Variants in UBE2R2 observed in about 807,000 individuals in gnomAD.
UBE2R2 encodes ubiquitin conjugating enzyme E2 R2.
In UBE2R2, 1 loss-of-function variant was observed where a neutral mutation model predicts 27.8. The observed-to-expected ratio is 0.04, with a 90% CI of 0.01 to 0.17. UBE2R2 has a LOEUF of 0.17. Ranked by LOEUF, UBE2R2 falls within the 10% of genes least tolerant of loss-of-function variation. The pLI is 1.00. For missense variants in UBE2R2, 100 were observed against 291.0 expected (o/e 0.34, Z 4.78); for synonymous variants, 106 against 113.3 (o/e 0.94, Z 0.41).
chr9:33,843,819 A>G (rs1242060850), intron 1 of UBE2R2, among the ~76,000 whole-genome samples: 1 of 152,172 alleles, frequency 6.6e-6, no homozygotes, highest in African/African-American at 2.4e-5. Flanking sequence ...GTTTATAGAG[A>G]TGTTTGACAT....
intron 1 of UBE2R2, among the ~76,000 whole-genome samples, chr9:33,824,551 A>G (rs1306140441): frequency 6.6e-6 from 1 of 151,880 alleles, no homozygotes; most frequent in Admixed American, 6.6e-5. Context: ...AGGCAGGAGA[A>G]TGGCGTGAAC....
intron 2 of UBE2R2, among the ~76,000 whole-genome samples, chr9:33,888,407 T>C (rs534196074): frequency 9.2e-4 from 140 of 152,358 alleles, no homozygotes; most frequent in African/African-American, 3.2e-3. Context: ...TGAAATTGCT[T>C]TAGAGTCTTG....
chr9:33,867,357 T>G (rs1233721057), intron 1 of UBE2R2, among the ~76,000 whole-genome samples: 2 of 152,178 alleles, frequency 1.3e-5, no homozygotes, highest in African/African-American at 2.4e-5. Flanking sequence ...GTCATTTGGG[T>G]AGTTTCAGAT....
At chr9:33,895,517 T>C (rs1385352315) in intron 2 of UBE2R2, among the ~76,000 whole-genome samples, 2 of 152,184 alleles carry the variant, frequency 1.3e-5, no homozygotes, top group Admixed American at 6.6e-5. Context: ...CCACATTGTT[T>C]TGGCTCTTTG....
intron 1 of UBE2R2, among the ~76,000 whole-genome samples, chr9:33,861,380 C>T (rs1023484109): frequency 7.2e-5 from 11 of 151,958 alleles, no homozygotes; most frequent in African/African-American, 2.7e-4. Flanking sequence ...CTAGCCTGGC[C>T]GACATCTCTA....
In UBE2R2 at chr9:33,839,299, A is replaced by G. The variant is rs533458200; in HGVS notation, c.177+21365A>G. On this transcript the variant is annotated intron_variant, in intron 1 of 4. Transcript: ENST00000263228. ...GTTGCCCAGACTGGACTGCAATGGC[A>G]GGGTCTCTGCTCACTGCACCCTCTG... 7.9e-5 allele frequency among the ~76,000 whole-genome samples: 12 copies of G among 152,192 alleles called. No individual in the cohort carries two copies. The South Asian group carries it at 2.5e-3, about 32-fold the overall frequency.
chr9:33,823,868 AC>A (rs756024967), intron 1 of UBE2R2, among the ~76,000 whole-genome samples: 1 of 152,214 alleles, frequency 6.6e-6, no homozygotes, highest in African/African-American at 2.4e-5. Flanking sequence ...ACAATTTTAA[AC>A]AGCTCCTTTA....
intron 1 of UBE2R2, among the ~76,000 whole-genome samples, chr9:33,833,575 A>G (rs187365699): frequency 5.3e-5 from 8 of 152,374 alleles, no homozygotes; most frequent in Non-Finnish European, 1.2e-4. Flanking sequence ...TATGAAAAGA[A>G]GGATTTAAAC....
At chr9:33,916,941 G>GATTATTTAAGGCCAATTATAA in intron 4 of UBE2R2, 77 bp from the exon 5 acceptor site, 2 of 1,548,010 alleles carry the variant, frequency 1.3e-6, no homozygotes, top group Admixed American at 3.8e-5. Context: ...AAGTAATATT[G>GATTATTTAAGGCCAATTATAA]ATTATTTAAG....
chr9:33,824,475 A>C (rs1408430395), intron 1 of UBE2R2, among the ~76,000 whole-genome samples: 1 of 152,030 alleles, frequency 6.6e-6, no homozygotes, highest in Non-Finnish European at 1.5e-5. Context: ...TCTCTACTAA[A>C]AAAATACAAA....
intron 1 of UBE2R2, among the ~76,000 whole-genome samples, chr9:33,824,183 TC>T (rs1315560227): frequency 6.6e-6 from 1 of 152,202 alleles, no homozygotes; most frequent in Non-Finnish European, 1.5e-5. Flanking sequence ...CCTTTTAACT[TC>T]TTTTTGATTA....
At chr9:33,907,413 C>T (rs988058899) in intron 3 of UBE2R2, among the ~76,000 whole-genome samples, 4 of 152,208 alleles carry the variant, frequency 2.6e-5, no homozygotes, top group Non-Finnish European at 5.9e-5. Context: ...CTGGGAGTAT[C>T]TCTAACTCCT....
In UBE2R2 at chr9:33,818,046, T is replaced by G. The variant is rs1033539543; in HGVS notation, c.177+112T>G. ...ATGAGCACGGGCGAGTGGAGGGGGC[T>G]TCTCACCCGTGCAGCCCCCTCCCCC... On this transcript the variant is annotated intron_variant, in intron 1 of 4. Coordinates refer to ENST00000263228, the MANE Select transcript of UBE2R2 (RefSeq NM_017811.4). 2.3e-6 allele frequency: 3 copies of G among 1,281,722 alleles called. No individual in the cohort carries two copies. In the African/African-American group the frequency reaches 4.7e-5, roughly 20 times the overall value. The allele number at this position is 1,281,722 out of a possible 1,614,324, so 79.4% of individuals were successfully genotyped here. A position where few individuals can be genotyped will look rare whatever the true frequency, so the allele number is the denominator to read the frequency against.
At chr9:33,887,071 C>A in intron 2 of UBE2R2, 104 bp downstream of exon 2, 1 of 897,606 alleles carries the variant, frequency 1.1e-6, no homozygotes, top group South Asian at 1.6e-5. Context: ...CTTTTGTAGC[C>A]ATAGAGAAAT....
chr9:33,893,064 CTG>C lies in UBE2R2; in HGVS notation c.264+6099_264+6100del, dbSNP rs543023848. On this transcript the variant is annotated intron_variant, in intron 2 of 4. Transcript: ENST00000263228. ...CACCAGCCTGGGTGACAGAGCAAGACTGTATCCTTCATTCATAAATAAATAAG... is the reference window on the plus strand; with the variant it reads ...CACCAGCCTGGGTGACAGAGCAAGACTATCCTTCATTCATAAATAAATAAG... Among the ~76,000 whole-genome samples, 167 of 152,262 alleles carry C rather than the reference CTG, an allele frequency of 1.1e-3. 1 individual carries two copies. Among genetic ancestry groups the C allele is most frequent in the African/African-American group, 3.9e-3 (160 of 41,556 alleles).
chr9:33,911,201 G>A (rs12684338), intron 3 of UBE2R2, among the ~76,000 whole-genome samples: 29,923 of 151,406 alleles, frequency 0.2, 3,230 homozygotes, highest in South Asian at 0.33. Flanking sequence ...CTGAGGTCAG[G>A]AGTTCAAGAC....
At chr9:33,901,778 T>G (rs989094324) in intron 3 of UBE2R2, among the ~76,000 whole-genome samples, 1 of 152,194 alleles carries the variant, frequency 6.6e-6, no homozygotes, top group Non-Finnish European at 1.5e-5. Context: ...ATAGATATAT[T>G]AAAGATTTCA....
intron 1 of UBE2R2, among the ~76,000 whole-genome samples, chr9:33,874,289 A>AT (rs2130783264): frequency 6.6e-6 from 1 of 152,274 alleles, no homozygotes; most frequent in South Asian, 2.1e-4. Flanking sequence ...TGAGTGTATC[A>AT]TTCCAGATGT....
intron 2 of UBE2R2, among the ~76,000 whole-genome samples, chr9:33,888,452 C>G (rs1186909817): frequency 6.6e-6 from 1 of 151,974 alleles, no homozygotes; most frequent in Non-Finnish European, 1.5e-5. Context: ...TTTTTTTGGC[C>G]CTGTGGATGT....
Sources: allele counts gnomAD v4.1 joint callset (sites outside exome capture counted in the v4.1 genomes callset), GRCh38; gene constraint gnomAD v4.1.1; transcripts MANE v1.5; gene names NCBI Gene and HGNC (gene_info 2026-07-23, HGNC 2026-07-21).